Variants in ACOXL observed in about 807,000 individuals in gnomAD.
ACOXL encodes the protein acyl-coenzyme A oxidase-like protein.
ACOXL carries 70 observed loss-of-function variants against 71.9 expected under a neutral mutation model. That is an observed-to-expected ratio of 0.97 (90% CI 0.80 to 1.19). ACOXL has a LOEUF of 1.19. Among genes scored for constraint, ACOXL ranks in the 50% most tolerant of loss-of-function variants. The probability of loss-of-function intolerance (pLI) is 0.00; values close to 1 mark genes in which losing one functional copy is unlikely to be tolerated. For missense variants in ACOXL, 703 were observed against 736.3 expected (o/e 0.95, Z 0.52); for synonymous variants, 253 against 281.6 (o/e 0.90, Z 1.02).
rs144693176 is a variant in ACOXL at position 111,028,312 on chromosome 2, C to G, written c.1282-3315C>G. ...TTTTGGAGTTTTTTTGAGACAGGGTCTCACTGTGTCACCCAGGCTAGAGTG... is the reference window on the plus strand; with the variant it reads ...TTTTGGAGTTTTTTTGAGACAGGGTGTCACTGTGTCACCCAGGCTAGAGTG... On this transcript the variant is annotated intron_variant, in intron 14 of 17. Coordinates refer to ENST00000439055, the MANE Select transcript of ACOXL (RefSeq NM_001142807.4). 9.5e-4 allele frequency among the ~76,000 whole-genome samples: 145 copies of G among 151,934 alleles called. 1 individual carries two copies. The highest frequency in any genetic ancestry group is 3.4e-3 in the African/African-American group (139 of 41,426).
chr2:110,839,462 C>CTTAA (rs1690869868), intron 9 of ACOXL, among the ~76,000 whole-genome samples: 1 of 152,116 alleles, frequency 6.6e-6, no homozygotes, highest in Admixed American at 6.5e-5. Flanking sequence ...CTTCTGTTTG[C>CTTAA]TTAAGTTTCA....
At chr2:110,743,785 C>T (rs1419715876) in intron 1 of ACOXL, among the ~76,000 whole-genome samples, 1 of 152,192 alleles carries the variant, frequency 6.6e-6, no homozygotes, top group Non-Finnish European at 1.5e-5. Flanking sequence ...TGGTGCCTTC[C>T]GGAGCTGCCA....
intron 10 of ACOXL, among the ~76,000 whole-genome samples, chr2:110,876,820 C>T (rs1018030441): frequency 1.3e-5 from 2 of 152,174 alleles, no homozygotes; most frequent in African/African-American, 2.4e-5. Flanking sequence ...CTGCTCTAGG[C>T]ATTATAGGGA....
chr2:111,093,599 T>A, intron 17 of ACOXL: 1 of 1,542,868 alleles, frequency 6.5e-7, no homozygotes, highest in South Asian at 1.2e-5. Context: ...GTGCAGTGGC[T>A]CATGCCTGTA....
At chr2:110,860,553 GGGCTGA>G (rs1231367778) in intron 10 of ACOXL, among the ~76,000 whole-genome samples, 4 of 152,178 alleles carry the variant, frequency 2.6e-5, no homozygotes, top group African/African-American at 9.7e-5. Context: ...AGCCTGGCCT[GGGCTGA>G]GACATTGCTT....
intron 10 of ACOXL, among the ~76,000 whole-genome samples, chr2:110,896,558 CAAA>C (rs1194387403): frequency 2.0e-5 from 3 of 151,520 alleles, no homozygotes; most frequent in East Asian, 1.9e-4. Flanking sequence ...AAAGATTTGC[CAAA>C]AAAAGAAGGA....
At chr2:110,863,989 G>C (rs1694254889) in intron 10 of ACOXL, among the ~76,000 whole-genome samples, 1 of 152,072 alleles carries the variant, frequency 6.6e-6, no homozygotes, top group Non-Finnish European at 1.5e-5. Context: ...TCCCTCTTCT[G>C]CTTCTTCTTC....
intron 10 of ACOXL, among the ~76,000 whole-genome samples, chr2:110,867,256 T>G (rs1371672392): frequency 1.3e-5 from 2 of 152,122 alleles, no homozygotes; most frequent in Non-Finnish European, 2.9e-5. Flanking sequence ...CTAGCAGATG[T>G]CAGCAAGTTA....
intron 9 of ACOXL, among the ~76,000 whole-genome samples, chr2:110,824,640 A>G (rs967681088): frequency 1.7e-4 from 26 of 151,414 alleles, no homozygotes; most frequent in African/African-American, 5.1e-4. Flanking sequence ...CAGATACTGT[A>G]TTTTTTCATT....
intron 10 of ACOXL, among the ~76,000 whole-genome samples, chr2:110,846,063 C>T (rs755525019): frequency 6.6e-6 from 1 of 152,026 alleles, no homozygotes; most frequent in Non-Finnish European, 1.5e-5. Context: ...AACCCAGATG[C>T]CAGAGTTGAG....
At chr2:110,964,748 T>C (rs62161499) in intron 12 of ACOXL, among the ~76,000 whole-genome samples, 55,085 of 152,216 alleles carry the variant, frequency 0.36, 11,204 homozygotes, top group Middle Eastern at 0.52. Flanking sequence ...TTACATGCCT[T>C]GAGTGTATAA....
At chr2:111,025,300 G>T (rs2064967300) in intron 14 of ACOXL, among the ~76,000 whole-genome samples, 1 of 152,210 alleles carries the variant, frequency 6.6e-6, no homozygotes, top group Non-Finnish European at 1.5e-5. Context: ...AATTTTATAT[G>T]TGACTTTATG....
At chr2:110,773,265 G>C (rs1198210665) in intron 2 of ACOXL, among the ~76,000 whole-genome samples, 2 of 152,180 alleles carry the variant, frequency 1.3e-5, no homozygotes, top group African/African-American at 4.8e-5. Flanking sequence ...TGGGTGATCA[G>C]ATCTAAAATG....
intron 9 of ACOXL, among the ~76,000 whole-genome samples, chr2:110,833,676 A>T (rs1323246696): frequency 6.6e-6 from 1 of 152,176 alleles, no homozygotes; most frequent in Non-Finnish European, 1.5e-5. Flanking sequence ...GATTTAAAAA[A>T]ACTGTTTATT....
At chr2:110,733,080 A>T (rs1485919465) in intron 1 of ACOXL, 1 of 152,274 alleles carries the variant, frequency 6.6e-6, no homozygotes, top group East Asian at 1.9e-4. Context: ...GTCTACGAAG[A>T]CCGTGTGGCT....
chr2:110,744,402 A>G (rs1000970807), intron 1 of ACOXL, among the ~76,000 whole-genome samples: 7 of 152,228 alleles, frequency 4.6e-5, no homozygotes, highest in Non-Finnish European at 1.0e-4. Flanking sequence ...TGGGATCTGC[A>G]GGGTTTGACA....
At chr2:110,971,804 G>A (rs923340074) in intron 12 of ACOXL, among the ~76,000 whole-genome samples, 45 of 151,970 alleles carry the variant, frequency 3.0e-4, no homozygotes, top group South Asian at 2.9e-3. Flanking sequence ...CTTAAATGTC[G>A]TATCAAAAAA....
chr2:111,074,575 T>C (rs755280949), intron 16 of ACOXL, among the ~76,000 whole-genome samples: 7 of 152,130 alleles, frequency 4.6e-5, no homozygotes, highest in Non-Finnish European at 1.0e-4. Flanking sequence ...TTTAGGTTGT[T>C]AATATGATAA....
chr2:110,835,787 C>G (rs1470021221), intron 9 of ACOXL, among the ~76,000 whole-genome samples: 1 of 152,184 alleles, frequency 6.6e-6, no homozygotes, highest in Admixed American at 6.5e-5. Flanking sequence ...AAACTTGACG[C>G]TTGTAGAACC....
Sources: allele counts gnomAD v4.1 joint callset (sites outside exome capture counted in the v4.1 genomes callset), GRCh38; gene constraint gnomAD v4.1.1; transcripts MANE v1.5; gene names NCBI Gene and HGNC (gene_info 2026-07-23, HGNC 2026-07-21).